HAPSTR1: variants seen among roughly 807,000 people sequenced by gnomAD.
HAPSTR1 encodes HUWE1 associated protein modifying stress responses.
the HAPSTR1 span, among the ~76,000 whole-genome samples, chr16:9,102,028 G>A: frequency 6.6e-6 from 1 of 152,222 alleles, no homozygotes; most frequent in Non-Finnish European, 1.5e-5. Flanking sequence ...GGCTGAAGCA[G>A]GAGAACCCTG....
chr16:9,118,112 G>A, the HAPSTR1 span: 522 of 152,684 alleles, frequency 3.4e-3, 2 homozygotes, highest in Middle Eastern at 6.8e-3. Context: ...CAATGTTTTA[G>A]AGCATGTTTC....
At chr16:9,095,757 T>TA in the HAPSTR1 span, among the ~76,000 whole-genome samples, 2 of 152,160 alleles carry the variant, frequency 1.3e-5, no homozygotes, top group Admixed American at 1.3e-4. Flanking sequence ...GAAGATAATG[T>TA]AAATGTAAGT....
chr16:9,092,864 TTC>T, the HAPSTR1 span: 1 of 1,454,208 alleles, frequency 6.9e-7, no homozygotes, highest in East Asian at 2.4e-5. Flanking sequence ...TTCTTTCTCT[TTC>T]TATGTGTGTT....
At chr16:9,120,638 A>C in the HAPSTR1 span, 1 of 150,490 alleles carries the variant, frequency 6.6e-6, no homozygotes, top group Admixed American at 6.6e-5. Flanking sequence ...TAGTATATAC[A>C]GGTCTTTTAT....
chr16:9,097,681 C>A, the HAPSTR1 span, among the ~76,000 whole-genome samples: 3 of 152,212 alleles, frequency 2.0e-5, no homozygotes, highest in Admixed American at 6.5e-5. Context: ...AGCCCAGGCT[C>A]CCCTGCTCTG....
At chr16:9,098,621 G>A in the HAPSTR1 span, among the ~76,000 whole-genome samples, 66 of 152,272 alleles carry the variant, frequency 4.3e-4, no homozygotes, top group Non-Finnish European at 5.0e-4. Flanking sequence ...AGGAGTTTGA[G>A]ATCAGGCTGG....
chr16:9,091,940 C>G, the HAPSTR1 span: 2 of 996,678 alleles, frequency 2.0e-6, no homozygotes, highest in South Asian at 2.6e-5. Flanking sequence ...CGCCGTCGGT[C>G]GCCAGGCCCT....
the HAPSTR1 span, chr16:9,110,986 T>G: frequency 6.6e-6 from 1 of 152,532 alleles, no homozygotes. Context: ...TGCAGTGAGC[T>G]GAGATCGTGC....
the HAPSTR1 span, chr16:9,117,728 A>C: frequency 6.6e-6 from 1 of 152,454 alleles, no homozygotes; most frequent in Non-Finnish European, 1.5e-5. Context: ...TAAAGTAGAG[A>C]GGTCATGAAC....
chr16:9,092,134 C>A, the HAPSTR1 span: 2 of 1,554,530 alleles, frequency 1.3e-6, no homozygotes, highest in Admixed American at 2.0e-5. Context: ...AGTGCCTGGC[C>A]GAGGCCGAAC....
At chr16:9,098,948 A>G in the HAPSTR1 span, among the ~76,000 whole-genome samples, 2 of 152,128 alleles carry the variant, frequency 1.3e-5, no homozygotes, top group Admixed American at 6.5e-5. Context: ...ACATGAATCA[A>G]TGTGTATCAA....
chr16:9,121,347 A>T, the HAPSTR1 span: 1 of 152,236 alleles, frequency 6.6e-6, no homozygotes, highest in African/African-American at 2.4e-5. Context: ...TTGCCAAAGT[A>T]CCTTCTGCAA....
the HAPSTR1 span, chr16:9,103,155 C>T: frequency 6.2e-7 from 1 of 1,614,010 alleles, no homozygotes; most frequent in Non-Finnish European, 8.5e-7. Flanking sequence ...TCTAGAGCTC[C>T]CCCAAGACTG....
At chr16:9,091,715 G>A in the HAPSTR1 span, 14 of 399,628 alleles carry the variant, frequency 3.5e-5, no homozygotes, top group African/African-American at 8.2e-5. Context: ...CGGCGGCGGC[G>A]GCAGTGGGGA....
chr16:9,109,180 G>A, the HAPSTR1 span: 1 of 152,120 alleles, frequency 6.6e-6, no homozygotes, highest in African/African-American at 2.4e-5. Context: ...AGTGAAGTTG[G>A]TTACGTTGTC....
the HAPSTR1 span, among the ~76,000 whole-genome samples, chr16:9,102,109 CA>C: frequency 6.6e-6 from 1 of 151,782 alleles, no homozygotes; most frequent in Non-Finnish European, 1.5e-5. Flanking sequence ...GACTCCGTCT[CA>C]AAAAATAAAA....
chr16:9,119,445 T>A, the HAPSTR1 span: 3 of 152,372 alleles, frequency 2.0e-5, no homozygotes, highest in East Asian at 5.8e-4. Context: ...ATTCTCTGAT[T>A]CTTTTAGACG....
At chr16:9,115,761 C>T in the HAPSTR1 span, among the ~76,000 whole-genome samples, 1 of 152,114 alleles carries the variant, frequency 6.6e-6, no homozygotes, top group African/African-American at 2.4e-5. Context: ...TTACAGGCGC[C>T]TGCCACCACG....
the HAPSTR1 span, among the ~76,000 whole-genome samples, chr16:9,113,878 G>C: frequency 6.6e-6 from 1 of 152,170 alleles, no homozygotes; most frequent in East Asian, 1.9e-4. Context: ...TAAGTGAAGA[G>C]AACACCTGGG....
Sources: allele counts gnomAD v4.1 joint callset (sites outside exome capture counted in the v4.1 genomes callset), GRCh38; gene constraint gnomAD v4.1.1; transcripts MANE v1.5; gene names NCBI Gene and HGNC (gene_info 2026-07-23, HGNC 2026-07-21).